The following ARMC2 variants were observed in gnomAD, a reference collection of about 807,000 sequenced individuals.
ARMC2 encodes armadillo repeat-containing protein 2.
A neutral mutation model predicts 90.3 loss-of-function variants in ARMC2; 67 were observed. That is an observed-to-expected ratio of 0.74 (90% CI 0.61 to 0.91). ARMC2 has a LOEUF of 0.91. Among genes scored for constraint, ARMC2 ranks in the 40% least tolerant of loss-of-function variants. The pLI is 0.00. For synonymous variants in ARMC2, 393 were observed against 393.0 expected, an observed-to-expected ratio of 1.00 and a Z score of 0.00; for missense variants, 920 against 1,030.9, an observed-to-expected ratio of 0.89 and a Z score of 1.47.
intron 13 of ARMC2, among the ~76,000 whole-genome samples, chr6:108,957,412 T>A (rs1294293235): frequency 2.0e-5 from 3 of 152,200 alleles, no homozygotes; most frequent in African/African-American, 7.2e-5. Flanking sequence ...TCCTGCCCCC[T>A]CTGACAGGCC....
At chr6:108,971,376 C>T (rs1778753979) in intron 17 of ARMC2, among the ~76,000 whole-genome samples, 1 of 152,276 alleles carries the variant, frequency 6.6e-6, no homozygotes, top group Admixed American at 6.5e-5. Flanking sequence ...TACAGGGTCT[C>T]CATGGAGCTC....
At chr6:108,998,775 A>G in the ARMC2 span, 5 of 1,589,758 alleles carry the variant, frequency 3.1e-6, no homozygotes, top group East Asian at 2.2e-5. Flanking sequence ...AAAAAAAAAA[A>G]GAATATATTT....
intron 4 of ARMC2, among the ~76,000 whole-genome samples, chr6:108,875,343 C>G (rs1776829448): frequency 6.6e-6 from 1 of 152,118 alleles, no homozygotes; most frequent in African/African-American, 2.4e-5. Context: ...CCTCCACAAT[C>G]CACCCCTCAC....
Position 108,962,093 on chromosome 6 carries a change from C to T in ARMC2, c.2118C>T (p.Asp706=), listed in dbSNP as rs1778041183. Residue 706 remains aspartate (D), a synonymous_variant, in exon 15 of 18, where the codon GAC becomes GAT. Coordinates refer to ENST00000392644, the MANE Select transcript of ARMC2 (RefSeq NM_032131.6). ...GTGTTTTCGGAAATCTCTCCCAGGACCATGATGTCTGCGATTTCATTGTGC... is the reference window on the plus strand; with the variant it reads ...GTGTTTTCGGAAATCTCTCCCAGGATCATGATGTCTGCGATTTCATTGTGC... The part of the protein sequence containing the change: ...AVRVFGNLSQ[D]HDVCDFIVQN... 1 of 1,612,542 alleles carries T rather than the reference C, an allele frequency of 6.2e-7. No individual in the cohort carries two copies. The highest frequency in any genetic ancestry group is 8.5e-7 in the Non-Finnish European group (1 of 1,179,048).
rs762502486 is a variant in ARMC2, at chr6:108,912,398, G to A, written c.1190G>A (p.Cys397Tyr). The A allele has an allele frequency of 6.2e-7, 1 of 1,613,778 alleles. No individual in the cohort carries two copies. The highest frequency in any genetic ancestry group is 1.7e-5 in the Admixed American group (1 of 60,014). ...ACTAACATGGAAGCTTTTTTATACTGTATGGGGTCTATAAAGTTCATTTCT... is the reference window on the plus strand; with the variant it reads ...ACTAACATGGAAGCTTTTTTATACTATATGGGGTCTATAAAGTTCATTTCT... ...LQTNMEAFLYCMGSIKFISGN... is the reference protein window; with the variant it reads ...LQTNMEAFLYYMGSIKFISGN... Residue 397 changes from cysteine to tyrosine, a missense_variant, in exon 10 of 18, where the codon TGT becomes TAT. Physicochemically the swap from Cys to Tyr is radical, Grantham distance 194. Transcript: ENST00000392644.
intron 11 of ARMC2, among the ~76,000 whole-genome samples, chr6:108,931,639 C>T (rs1210147972): frequency 6.6e-6 from 1 of 151,904 alleles, no homozygotes; most frequent in Non-Finnish European, 1.5e-5. Context: ...GATGGTATCT[C>T]ATTGTGGCTT....
intron 10 of ARMC2, among the ~76,000 whole-genome samples, chr6:108,919,998 A>G (rs1330508588): frequency 6.6e-6 from 1 of 152,144 alleles, no homozygotes; most frequent in African/African-American, 2.4e-5. Context: ...AGCTCCTCCC[A>G]GTGGTGATAT....
intron 5 of ARMC2, among the ~76,000 whole-genome samples, chr6:108,889,090 C>T (rs1770679677): frequency 6.6e-6 from 1 of 152,180 alleles, no homozygotes; most frequent in South Asian, 2.1e-4. Context: ...TATTTTCACT[C>T]ATGCTATTCC....
rs555205561 is a variant in ARMC2, at chr6:108,966,901, C to A, written c.2446+1761C>A. ...GTCTATTAGCTAAGATTGAGAGCCC[C>A]TGCTCTCGTTAGCAAAGGAGCTTAA... On this transcript the variant is annotated intron_variant, in intron 17 of 17. Transcript: ENST00000392644. Among the ~76,000 whole-genome samples the A allele has an allele frequency of 5.9e-5, 9 of 152,320 alleles. No homozygotes were observed. The South Asian group carries it at 1.9e-3, about 32-fold the overall frequency.
the ARMC2 span, among the ~76,000 whole-genome samples, chr6:109,038,195 T>TA: frequency 6.6e-6 from 1 of 152,152 alleles, no homozygotes; most frequent in African/African-American, 2.4e-5. Context: ...GGGCTTTGTA[T>TA]AAAAAAGCAC....
In ARMC2 at chr6:108,856,729, C is replaced by G. The variant is rs940289778; in HGVS notation, c.219-1470C>G. ...CTGCACCTCCAGCAGCAGTGTCTTCCTCAGCCATGGCAATGGGTTATGAGG... is the reference window on the plus strand; with the variant it reads ...CTGCACCTCCAGCAGCAGTGTCTTCGTCAGCCATGGCAATGGGTTATGAGG... On this transcript the variant is annotated intron_variant, in intron 2 of 17. Coordinates refer to ENST00000392644, the MANE Select transcript of ARMC2 (RefSeq NM_032131.6). The G allele has an allele frequency of 1.3e-5, 2 of 152,766 alleles. 1 individual carries two copies. Among genetic ancestry groups the G allele is most frequent in the East Asian group, 3.8e-4 (2 of 5,204 alleles). The allele number at this position is 152,766 out of a possible 1,614,324, so 9.5% of individuals were successfully genotyped here.
At chr6:108,884,678 G>A (rs1346870829) in intron 5 of ARMC2, among the ~76,000 whole-genome samples, 1 of 152,200 alleles carries the variant, frequency 6.6e-6, no homozygotes, top group Non-Finnish European at 1.5e-5. Context: ...GTCTGGAAGG[G>A]AAGTTAGGGA....
rs766498118 is a variant in ARMC2, at chr6:108,965,156, A to G, written c.2446+16A>G. On this transcript the variant is annotated intron_variant, in intron 17 of 17. Transcript: ENST00000392644. ...TCATTTTTAGGTAAGACTCTTGACT[A>G]TGATGAGTCTGTGAGTTTTATCAGA... 7 of 1,587,274 alleles carry G rather than the reference A, an allele frequency of 4.4e-6. No homozygotes were observed. The African/African-American group carries it at 9.4e-5, about 21-fold the overall frequency.
In ARMC2 at chr6:108,973,449, C is replaced by G. The variant is rs753010208; in HGVS notation, c.2539C>G (p.Gln847Glu). ...AACAGAATTCAAACCTGTGGCACAGCAGCTTCTAAACCGAATTCAGAGACA... is the reference window on the plus strand; with the variant it reads ...AACAGAATTCAAACCTGTGGCACAGGAGCTTCTAAACCGAATTCAGAGACA... Reference protein sequence around the residue: ...WETEFKPVAQQLLNRIQRHHT... With the variant: ...WETEFKPVAQELLNRIQRHHT... The change falls in exon 18 of 18, where the codon CAG (glutamine) becomes GAG (glutamate). Residue 847 changes from glutamine (Q) to glutamate (E), a missense_variant. Gln to Glu is a conservative substitution (Grantham distance 29, BLOSUM62 2). Coordinates refer to ENST00000392644, the MANE Select transcript of ARMC2 (RefSeq NM_032131.6). 1 of 1,613,908 alleles carries G rather than the reference C, an allele frequency of 6.2e-7. No homozygotes were observed. The highest frequency in any genetic ancestry group is 2.2e-5 in the East Asian group (1 of 44,872).
At chr6:108,960,192 C>T (rs915760812) in intron 13 of ARMC2, among the ~76,000 whole-genome samples, 1 of 152,212 alleles carries the variant, frequency 6.6e-6, no homozygotes, top group African/African-American at 2.4e-5. Flanking sequence ...TCAACATCTA[C>T]CCAATTATGT....
At chr6:108,954,752 A>G (rs566640159) in intron 13 of ARMC2, among the ~76,000 whole-genome samples, 129 of 152,320 alleles carry the variant, frequency 8.5e-4, no homozygotes, top group Non-Finnish European at 1.1e-3. Flanking sequence ...CCTCGCCCCC[A>G]CTAGTCAACT....
intron 1 of ARMC2, among the ~76,000 whole-genome samples, chr6:108,850,720 AG>A (rs1274523989): frequency 1.8e-4 from 27 of 152,308 alleles, no homozygotes; most frequent in Non-Finnish European, 2.4e-4. Context: ...TCTTAGCTCA[AG>A]TCTATATTTA....
At chr6:108,905,430 C>T (rs1772579803) in intron 8 of ARMC2, among the ~76,000 whole-genome samples, 1 of 151,922 alleles carries the variant, frequency 6.6e-6, no homozygotes, top group Admixed American at 6.6e-5. Flanking sequence ...TGATATCACT[C>T]CAGGGCTCTG....
intron 15 of ARMC2, among the ~76,000 whole-genome samples, chr6:108,963,608 G>A (rs1778151503): frequency 6.6e-6 from 1 of 152,170 alleles, no homozygotes; most frequent in Admixed American, 6.5e-5. Context: ...GAGAAAACAG[G>A]ACAAACAGTT....
Sources: gnomAD v4.1 joint callset for allele counts (sites outside exome capture counted in the v4.1 genomes callset) on GRCh38, gnomAD v4.1.1 for gene constraint, MANE v1.5 for transcripts, NCBI Gene and HGNC (gene_info 2026-07-23, HGNC 2026-07-21) for gene names.